The following TMEM268 variants were observed in gnomAD, a reference collection of about 807,000 sequenced individuals.
TMEM268 encodes transmembrane protein 268.
Under a neutral mutation model 39.1 loss-of-function variants are expected in TMEM268, and 24 were observed. The observed-to-expected ratio is 0.61, with a 90% CI of 0.44 to 0.86. The LOEUF (loss-of-function observed/expected upper bound fraction) is 0.86, where lower values mean the gene tolerates loss of function less well. Among genes scored for constraint, TMEM268 ranks in the 40% least tolerant of loss-of-function variants. The probability of loss-of-function intolerance (pLI) is 0.00; values close to 1 mark genes in which losing one functional copy is unlikely to be tolerated. For missense variants in TMEM268, 409 were observed against 428.6 expected (o/e 0.95, Z 0.40); for synonymous variants, 176 against 173.5 (o/e 1.01, Z -0.12).
At chr9:114,627,929 A>G (rs111326579) in intron 4 of TMEM268, among the ~76,000 whole-genome samples, 172 bp from the exon 5 acceptor site, 18 of 152,338 alleles carry the variant, frequency 1.2e-4, no homozygotes, top group African/African-American at 4.1e-4. Context: ...TAAACAAGGA[A>G]CATTAGCTCA....
intron 6 of TMEM268, among the ~76,000 whole-genome samples, chr9:114,635,757 A>G (rs1452259859): frequency 6.6e-6 from 1 of 152,154 alleles, no homozygotes; most frequent in African/African-American, 2.4e-5. Context: ...ATGAGGTGAT[A>G]CACTATCTGG....
Position 114,632,895 on chromosome 9 carries a change from C to T in TMEM268, c.475-873C>T, listed in dbSNP as rs1362947907. On this transcript the variant is annotated intron_variant, in intron 5 of 8. Coordinates refer to ENST00000288502, the MANE Select transcript of TMEM268 (RefSeq NM_153045.4). ...GTTCAGGGAAGGGACATACCTTGTC[C>T]AGGGCCATATAGCTAGGAAGCAGCA... Among the ~76,000 whole-genome samples the T allele has an allele frequency of 3.3e-5, 5 of 152,190 alleles. No individual in the cohort carries two copies. In the East Asian group the frequency reaches 9.6e-4, roughly 29 times the overall value.
At chr9:114,612,574 C>G (rs768550760) in intron 1 of TMEM268, among the ~76,000 whole-genome samples, 10 of 152,228 alleles carry the variant, frequency 6.6e-5, no homozygotes, top group Non-Finnish European at 1.5e-4. Flanking sequence ...CTGCAGCTTC[C>G]TGGTTGAATG....
intron 2 of TMEM268, among the ~76,000 whole-genome samples, chr9:114,623,823 G>GTAT (rs1233899416): frequency 6.6e-6 from 1 of 152,092 alleles, no homozygotes; most frequent in Non-Finnish European, 1.5e-5. Flanking sequence ...ATGGAAGGCA[G>GTAT]TATATTTGCA....
chr9:114,611,530 G>GGGT lies in TMEM268; in HGVS notation c.-110_-108dup, dbSNP rs1554755476. The GGGT allele has an allele frequency of 1.2e-4, 16 of 135,148 alleles. No homozygotes were observed. The highest frequency in any genetic ancestry group is 4.2e-4 in the South Asian group (2 of 4,742). The allele number at this position is 135,148 out of a possible 1,614,324, so 8.4% of individuals were successfully genotyped here. A position where few individuals can be genotyped will look rare whatever the true frequency, so the allele number is the denominator to read the frequency against. On this transcript the variant is annotated 5_prime_UTR_variant, in exon 1 of 9. Transcript: ENST00000288502. ...GGCGCCCCCGACCTTCCGCGTCCCG[G>GGGT]GGTGGCGGCGGCGGCGGCGGCGGCG...
intron 7 of TMEM268, among the ~76,000 whole-genome samples, chr9:114,637,482 C>T (rs1046470505): frequency 5.9e-5 from 9 of 151,704 alleles, no homozygotes; most frequent in African/African-American, 2.2e-4. Flanking sequence ...TTAGTAGAGA[C>T]GGGGTTTCAC....
At chr9:114,625,936 C>T (rs747016754) in intron 3 of TMEM268, among the ~76,000 whole-genome samples, 2 of 151,972 alleles carry the variant, frequency 1.3e-5, no homozygotes, top group Non-Finnish European at 2.9e-5. Context: ...AAGCAATTCT[C>T]CTGCCTCAGC....
intron 2 of TMEM268, among the ~76,000 whole-genome samples, chr9:114,619,493 A>G (rs1167905267): frequency 6.6e-6 from 1 of 152,212 alleles, no homozygotes; most frequent in South Asian, 2.1e-4. Context: ...GGATCTTTGC[A>G]TTGCTTGGGC....
intron 5 of TMEM268, among the ~76,000 whole-genome samples, chr9:114,632,589 G>T (rs924471124): frequency 1.1e-4 from 17 of 152,162 alleles, no homozygotes; most frequent in Non-Finnish European, 2.2e-4. Flanking sequence ...AGGAGAGCAG[G>T]AGGCTGATTC....
intron 4 of TMEM268, among the ~76,000 whole-genome samples, 195 bp from the exon 5 acceptor site, chr9:114,627,906 C>G (rs1488677888): frequency 6.6e-6 from 1 of 152,014 alleles, no homozygotes; most frequent in African/African-American, 2.4e-5. Context: ...CCCTTTTTGT[C>G]TACTTTTGCT....
At position 114,616,159 on chromosome 9, in the gene TMEM268, G is replaced by A. The variant is rs551401358; in HGVS notation, c.-78-959G>A. 1.3e-4 allele frequency among the ~76,000 whole-genome samples: 20 copies of A among 151,370 alleles called. No individual in the cohort carries two copies. The East Asian group carries it at 3.9e-3, about 29-fold the overall frequency. ...GCCTCCCAAGTAGCTGGGACTACAG[G>A]CTCCCACCACCACGCCTGGCTAATT... is the stretch of plus-strand genomic sequence containing the variant. On this transcript the variant is annotated intron_variant, in intron 1 of 8. Transcript: ENST00000288502.
intron 1 of TMEM268, among the ~76,000 whole-genome samples, chr9:114,615,953 A>G (rs1445370833): frequency 2.0e-5 from 3 of 151,410 alleles, no homozygotes; most frequent in Non-Finnish European, 4.4e-5. Context: ...TGGCCTCCCA[A>G]AGTGCTGGGA....
intron 5 of TMEM268, among the ~76,000 whole-genome samples, chr9:114,629,372 C>T (rs760763527): frequency 1.1e-4 from 17 of 152,240 alleles, no homozygotes; most frequent in African/African-American, 3.6e-4. Flanking sequence ...TTCCTTGGCT[C>T]GTGATCCTTT....
chr9:114,623,634 G>A (rs553498688), intron 2 of TMEM268, among the ~76,000 whole-genome samples: 3 of 152,270 alleles, frequency 2.0e-5, no homozygotes, highest in African/African-American at 4.8e-5. Flanking sequence ...TGGTCAAAGC[G>A]ATCGATGCCA....
chr9:114,641,824 G>C (rs1327181190), intron 8 of TMEM268, among the ~76,000 whole-genome samples: 3 of 151,876 alleles, frequency 2.0e-5, no homozygotes, highest in African/African-American at 7.3e-5. Flanking sequence ...GTTTTTAGTA[G>C]AGACGGGGTT....
intron 2 of TMEM268, among the ~76,000 whole-genome samples, chr9:114,620,913 C>A (rs1845921094): frequency 7.8e-6 from 1 of 128,474 alleles, no homozygotes. Flanking sequence ...GCCTCCTTGT[C>A]CCCCACCACT....
chr9:114,617,583 T>C (rs1205431079), intron 2 of TMEM268, among the ~76,000 whole-genome samples: 1 of 152,124 alleles, frequency 6.6e-6, no homozygotes, highest in East Asian at 1.9e-4. Flanking sequence ...TATTTTTACT[T>C]ATTTAGAGAC....
At chr9:114,632,618 G>T (rs1320567513) in intron 5 of TMEM268, among the ~76,000 whole-genome samples, 1 of 152,186 alleles carries the variant, frequency 6.6e-6, no homozygotes, top group Non-Finnish European at 1.5e-5. Flanking sequence ...CCACCTGAGG[G>T]CCAGGCGCTG....
At chr9:114,608,293 A>T (rs1845392982), upstream of TMEM268, among the ~76,000 whole-genome samples, 1 of 152,230 alleles carries the variant, frequency 6.6e-6, no homozygotes, top group Non-Finnish European at 1.5e-5. Context: ...AATCTCCCAG[A>T]TTAGCAGTTA....
Sources: allele counts gnomAD v4.1 joint callset (sites outside exome capture counted in the v4.1 genomes callset), GRCh38; gene constraint gnomAD v4.1.1; transcripts MANE v1.5; gene names NCBI Gene and HGNC (gene_info 2026-07-23, HGNC 2026-07-21).